Variants in AGTPBP1 observed in about 807,000 individuals in gnomAD.
The protein encoded by AGTPBP1 is ATP/GTP binding carboxypeptidase 1.
In AGTPBP1, 70 loss-of-function variants were observed where a neutral mutation model predicts 143.9. The observed-to-expected ratio is 0.49, with a 90% CI of 0.40 to 0.59. The LOEUF is 0.59. Ranked by LOEUF, AGTPBP1 falls within the 20% of genes least tolerant of loss-of-function variation. The probability of loss-of-function intolerance (pLI) is 0.00; values close to 1 mark genes in which losing one functional copy is unlikely to be tolerated. For synonymous variants in AGTPBP1, 463 were observed against 500.2 expected (o/e 0.93, Z 0.99); for missense variants, 1,229 against 1,464.5 (o/e 0.84, Z 2.62).
intron 8 of AGTPBP1, among the ~76,000 whole-genome samples, chr9:85,668,865 A>C (rs966812902): frequency 1.3e-5 from 2 of 151,374 alleles, no homozygotes; most frequent in Non-Finnish European, 2.9e-5. Flanking sequence ...GACCTCTAAA[A>C]TGGCTTAAGA....
chr9:85,677,969 A>T (rs1196572071), intron 5 of AGTPBP1, among the ~76,000 whole-genome samples: 1 of 152,210 alleles, frequency 6.6e-6, no homozygotes, highest in African/African-American at 2.4e-5. Context: ...ATACCACTGC[A>T]CTCAAGCCTC....
chr9:85,784,156 T>C, the AGTPBP1 span, among the ~76,000 whole-genome samples: 5 of 152,216 alleles, frequency 3.3e-5, no homozygotes, highest in African/African-American at 9.6e-5. Context: ...TAAATCACTA[T>C]AAAACTATAT....
the AGTPBP1 span, among the ~76,000 whole-genome samples, chr9:85,750,561 G>A: frequency 4.6e-5 from 7 of 152,238 alleles, no homozygotes; most frequent in South Asian, 1.0e-3. Flanking sequence ...TTTTGAATAA[G>A]AATGCTCAGT....
chr9:85,687,924 T>C (rs1835587178), intron 3 of AGTPBP1, among the ~76,000 whole-genome samples: 2 of 151,430 alleles, frequency 1.3e-5, no homozygotes, highest in South Asian at 4.2e-4. Context: ...ACCCCGTCTC[T>C]ACTAAAAATA....
chr9:85,763,622 A>G, the AGTPBP1 span, among the ~76,000 whole-genome samples: 67 of 152,040 alleles, frequency 4.4e-4, no homozygotes, highest in African/African-American at 1.5e-3. Flanking sequence ...TTATATTGGG[A>G]GAATGGAGGA....
At chr9:85,592,321 T>C (rs1429419574) in intron 19 of AGTPBP1, among the ~76,000 whole-genome samples, 1 of 152,040 alleles carries the variant, frequency 6.6e-6, no homozygotes, top group Non-Finnish European at 1.5e-5. Flanking sequence ...AGAAATACTG[T>C]AGTATTTTCC....
At chr9:85,669,238 T>C (rs960496933) in intron 8 of AGTPBP1, among the ~76,000 whole-genome samples, 7 of 151,848 alleles carry the variant, frequency 4.6e-5, no homozygotes, top group Admixed American at 4.6e-4. Flanking sequence ...TATCTAGAAA[T>C]GTTCAGTCTA....
At chr9:85,797,833 A>AT in the AGTPBP1 span, among the ~76,000 whole-genome samples, 5 of 152,160 alleles carry the variant, frequency 3.3e-5, no homozygotes, top group Admixed American at 3.3e-4. Flanking sequence ...GATCTAGAGA[A>AT]TTCTCTTTGT....
the AGTPBP1 span, among the ~76,000 whole-genome samples, chr9:85,756,581 A>G: frequency 1.3e-5 from 2 of 152,164 alleles, no homozygotes; most frequent in Non-Finnish European, 2.9e-5. Flanking sequence ...AGACAGATAG[A>G]TAGATCTATC....
At chr9:85,714,460 G>A (rs570991318) in intron 1 of AGTPBP1, among the ~76,000 whole-genome samples, 3 of 152,254 alleles carry the variant, frequency 2.0e-5, no homozygotes, top group South Asian at 2.1e-4. Flanking sequence ...CCATTTCCAC[G>A]TTTTATATGC....
At chr9:85,593,896 T>C (rs1308641828) in intron 18 of AGTPBP1, among the ~76,000 whole-genome samples, 1 of 152,250 alleles carries the variant, frequency 6.6e-6, no homozygotes, top group African/African-American at 2.4e-5. Flanking sequence ...TCTAAAATTC[T>C]GAATCACCTT....
rs1249113941 is a variant in AGTPBP1 at position 85,729,078 on chromosome 9, G to C, written c.-34+12697C>G. On this transcript the variant is annotated intron_variant, in intron 1 of 25. Coordinates refer to ENST00000357081, the MANE Select transcript of AGTPBP1 (RefSeq NM_001330701.2). ...AGACAGACATACAGACCAATGGAAT[G>C]AAAGTCCAGAAATAAACTCATATAT... Among the ~76,000 whole-genome samples, 5 of 152,190 alleles carry C rather than the reference G, an allele frequency of 3.3e-5. 1 individual carries two copies. Among genetic ancestry groups the C allele is most frequent in the Admixed American group, 3.3e-4 (5 of 15,274 alleles).
the AGTPBP1 span, among the ~76,000 whole-genome samples, chr9:85,756,964 A>C: frequency 6.6e-6 from 1 of 151,768 alleles, no homozygotes; most frequent in Admixed American, 6.6e-5. Context: ...TGGGCGGGGG[A>C]AATAGAATGC....
the AGTPBP1 span, chr9:85,764,935 T>C: frequency 1.0e-6 from 1 of 977,166 alleles, no homozygotes; most frequent in East Asian, 2.4e-5. Flanking sequence ...AGTAAGTCAG[T>C]ATTCTTTGGA....
At chr9:85,796,146 T>C in the AGTPBP1 span, among the ~76,000 whole-genome samples, 3 of 152,156 alleles carry the variant, frequency 2.0e-5, no homozygotes, top group African/African-American at 4.8e-5. Flanking sequence ...CACATAGTTA[T>C]ATATATCTAT....
At chr9:85,656,076 C>T (rs1025626579) in intron 10 of AGTPBP1, among the ~76,000 whole-genome samples, 1 of 152,214 alleles carries the variant, frequency 6.6e-6, no homozygotes, top group Non-Finnish European at 1.5e-5. Context: ...ATCCGCCCGC[C>T]TTGGCCTCCC....
In AGTPBP1 at chr9:85,655,126, T is replaced by A. The variant is rs750102717; in HGVS notation, c.1087+17A>T. The A allele has an allele frequency of 6.4e-7, 1 of 1,571,494 alleles. No homozygotes were observed. The highest frequency in any genetic ancestry group is 1.9e-5 in the Admixed American group (1 of 52,804). On this transcript the variant is annotated intron_variant, in intron 11 of 25. Coordinates refer to ENST00000357081, the MANE Select transcript of AGTPBP1 (RefSeq NM_001330701.2). ...TCTAAGAACCCACAAAAAGCAGCAG[T>A]GACCCTGTGATCCTACCTTCAGGAG...
At chr9:85,711,821 C>T (rs1182820851) in intron 2 of AGTPBP1, among the ~76,000 whole-genome samples, 1 of 152,116 alleles carries the variant, frequency 6.6e-6, no homozygotes, top group East Asian at 1.9e-4. Context: ...TACTCGAATT[C>T]ACCATTTTAA....
chr9:85,748,434 A>G, the AGTPBP1 span, among the ~76,000 whole-genome samples: 1 of 152,152 alleles, frequency 6.6e-6, no homozygotes, highest in Non-Finnish European at 1.5e-5. Flanking sequence ...CGTGGCTGCA[A>G]TTAAACTGAA....
Sources: allele counts gnomAD v4.1 joint callset (sites outside exome capture counted in the v4.1 genomes callset), GRCh38; gene constraint gnomAD v4.1.1; transcripts MANE v1.5; gene names NCBI Gene and HGNC (gene_info 2026-07-23, HGNC 2026-07-21).